The following PSD4 variants were observed in gnomAD, a reference collection of about 807,000 sequenced individuals.
PSD4 encodes the protein PH and SEC7 domain-containing protein 4.
In PSD4, 59 loss-of-function variants were observed where a neutral mutation model predicts 112.5. That is an observed-to-expected ratio of 0.52 (90% CI 0.43 to 0.65). The LOEUF (loss-of-function observed/expected upper bound fraction) is 0.65, where lower values mean the gene tolerates loss of function less well. PSD4 is among the 30% of genes least tolerant of loss of function. The pLI is 0.00. For synonymous variants in PSD4, 533 were observed against 540.0 expected (o/e 0.99, Z 0.18); for missense variants, 1,267 against 1,352.6 (o/e 0.94, Z 0.99).
At chr2:113,201,032 G>C in intron 16 of PSD4, 126 bp from the exon 17 acceptor site, 1 of 1,307,428 alleles carries the variant, frequency 7.6e-7, no homozygotes, top group South Asian at 1.4e-5. Context: ...GGTTGGTCCA[G>C]CCCTCTTTCT....
chr2:113,180,225 G>C (rs780773680), intron 1 of PSD4, among the ~76,000 whole-genome samples: 5 of 152,160 alleles, frequency 3.3e-5, no homozygotes, highest in Non-Finnish European at 7.3e-5. Flanking sequence ...TGGGCTGAAG[G>C]CCGCGCGAAT....
intron 1 of PSD4, among the ~76,000 whole-genome samples, chr2:113,181,172 G>A (rs1688125476): frequency 6.6e-6 from 1 of 151,022 alleles, no homozygotes. Context: ...AGGTTGCAGT[G>A]AGCCAAGACT....
At chr2:113,195,317 C>T (rs1472557862) in intron 10 of PSD4, among the ~76,000 whole-genome samples, 8 of 152,066 alleles carry the variant, frequency 5.3e-5, no homozygotes, top group African/African-American at 7.2e-5. Context: ...TGCACCACCA[C>T]GCCCAGATAA....
intron 1 of PSD4, among the ~76,000 whole-genome samples, chr2:113,179,424 TGGAAAG>T (rs1276895105): frequency 1.3e-5 from 2 of 152,270 alleles, no homozygotes; most frequent in East Asian, 3.9e-4. Context: ...AGACTGTTAA[TGGAAAG>T]GGATTCCAAT....
chr2:113,205,240 T>A lies in PSD4; in HGVS notation c.*3825T>A, dbSNP rs1414186523. 1 of 152,186 alleles carries A rather than the reference T, an allele frequency of 6.6e-6. No homozygotes were observed. The highest frequency in any genetic ancestry group is 1.5e-5 in the Non-Finnish European group (1 of 68,062). 9.4% of individuals were successfully genotyped at this position (152,186 alleles called of 1,614,324 possible). On this transcript the variant is annotated 3_prime_UTR_variant, in exon 17 of 17. Coordinates refer to ENST00000245796, the MANE Select transcript of PSD4 (RefSeq NM_012455.3). Reference sequence around the variant, plus strand: ...GCCTCGGCCTCCCAAAGCATTGGGATCACAGGCGTGAGCCAACGTGCCTGG... The same window carrying A: ...GCCTCGGCCTCCCAAAGCATTGGGAACACAGGCGTGAGCCAACGTGCCTGG...
Position 113,193,632 on chromosome 2 carries a change from CACGG to C in PSD4, c.2076_2079del (p.Asp693CysfsTer10). On this transcript the variant is annotated frameshift_variant, in exon 9 of 17. Transcript: ENST00000245796. LOFTEE classifies it high-confidence loss of function. ...TGACATGTGCAATCATGCTGCTTAA[CACGG>C]ACCTGCATGGACAGGTAAGACGGTG... The C allele has an allele frequency of 6.2e-7, 1 of 1,613,694 alleles. No individual in the cohort carries two copies. Among genetic ancestry groups the C allele is most frequent in the Non-Finnish European group, 8.5e-7 (1 of 1,179,584 alleles).
chr2:113,181,271 A>G (rs1210508364), intron 1 of PSD4, among the ~76,000 whole-genome samples: 1 of 151,100 alleles, frequency 6.6e-6, no homozygotes, highest in Non-Finnish European at 1.5e-5. Flanking sequence ...TGCTTACGAC[A>G]TGCCATAAGG....
At position 113,197,519 on chromosome 2, in the gene PSD4, G is replaced by A. The variant is rs377565570; in HGVS notation, c.2387-45G>A. 3 of 1,608,800 alleles carry A rather than the reference G, an allele frequency of 1.9e-6. No individual in the cohort carries two copies. In the African/African-American group the frequency reaches 4.0e-5, roughly 22 times the overall value. ...TGCGTGTGTCTGAGTGTGTCTGGATGCTGGTGCCCCCACCTACAACATTTG... is the reference window on the plus strand; with the variant it reads ...TGCGTGTGTCTGAGTGTGTCTGGATACTGGTGCCCCCACCTACAACATTTG... On this transcript the variant is annotated intron_variant, in intron 12 of 16. Coordinates refer to ENST00000245796, the MANE Select transcript of PSD4 (RefSeq NM_012455.3).
intron 5 of PSD4, among the ~76,000 whole-genome samples, chr2:113,190,707 G>A (rs545065825): frequency 2.0e-5 from 3 of 152,200 alleles, no homozygotes; most frequent in African/African-American, 4.8e-5. Context: ...CTCCCACCTC[G>A]GCCTCCCAAA....
Position 113,195,760 on chromosome 2 carries a change from G to C in PSD4, c.2215G>C (p.Glu739Gln), listed in dbSNP as rs143098414. Residue 739 changes from glutamate (E) to glutamine (Q), a missense_variant, in exon 11 of 17, where the codon GAG becomes CAG. Around this residue, in one of 2 missense-constraint regions of PSD4, gnomAD observed 544 missense variants for 648.6 expected, o/e 0.84. Transcript: ENST00000245796. ...CTGGTCTATCCGCAGCGAGAAGCTC[G>C]AGTGGGCCGTGTGAGTGAGACTCCC... ...LYWSIRSEKL[E>Q]WAVDEEDTAR... 50 of 1,614,040 alleles carry C rather than the reference G, an allele frequency of 3.1e-5. No individual in the cohort carries two copies. The African/African-American group carries it at 5.7e-4, about 19-fold the overall frequency.
chr2:113,187,637 C>A (rs1208541757), intron 5 of PSD4, among the ~76,000 whole-genome samples: 1 of 152,208 alleles, frequency 6.6e-6, no homozygotes, highest in Admixed American at 6.5e-5. Flanking sequence ...CCAATCTAAA[C>A]CTGACTCTTC....
chr2:113,198,268 T>C (rs1306375287), intron 14 of PSD4: 7 of 272,260 alleles, frequency 2.6e-5, no homozygotes, highest in Non-Finnish European at 4.8e-5. Flanking sequence ...TTGTCCTCTT[T>C]ATTTTTTATT....
rs1405245904 is a variant in PSD4 at position 113,193,362 on chromosome 2, C to T, written c.2024C>T (p.Pro675Leu). 5.6e-6 allele frequency: 9 copies of T among 1,606,350 alleles called. No individual in the cohort carries two copies. Among genetic ancestry groups the T allele is most frequent in the Non-Finnish European group, 7.6e-6 (9 of 1,177,764 alleles). The change falls in exon 8 of 17, where the codon CCC (proline) becomes CTC (leucine). Residue 675 changes from proline (P) to leucine (L), a missense_variant. Coordinates refer to ENST00000245796, the MANE Select transcript of PSD4 (RefSeq NM_012455.3). ...RFHHCNPGIF[P>L]SVDSVHTLTC... ...CACCATTGCAATCCGGGGATCTTCC[C>T]CTCAGTAGGTAGGGAGGGGCTGGCC...
intron 2 of PSD4, 121 bp from the exon 3 acceptor site, chr2:113,184,836 G>T: frequency 7.2e-7 from 1 of 1,394,878 alleles, no homozygotes; most frequent in Non-Finnish European, 9.8e-7. Context: ...CTGAGGCAGG[G>T]CCATCAGGGC....
rs144246302 is a variant in PSD4, at chr2:113,182,488, C to T, written c.32C>T (p.Pro11Leu). The change falls in exon 2 of 17, where the codon CCC (proline) becomes CTC (leucine). Residue 11 changes from proline to leucine, a missense_variant. Physicochemically the swap from Pro to Leu is moderately conservative, Grantham distance 98 (BLOSUM62 -3). This residue lies in a region of PSD4 where 723 missense variants were observed against 704.0 expected (regional missense o/e 1.03). Coordinates refer to ENST00000245796, the MANE Select transcript of PSD4 (RefSeq NM_012455.3). Reference protein sequence around the residue: MMGDYRLPDHPQPMEILNLYL... With the variant: MMGDYRLPDHLQPMEILNLYL... ...GGTGACTACAGACTCCCTGACCACCCCCAGCCCATGGAAATTCTCAACCTG... is the reference window on the plus strand; with the variant it reads ...GGTGACTACAGACTCCCTGACCACCTCCAGCCCATGGAAATTCTCAACCTG... 6.2e-7 allele frequency: 1 copy of T among 1,613,756 alleles called. No individual in the cohort carries two copies. The highest frequency in any genetic ancestry group is 8.5e-7 in the Non-Finnish European group (1 of 1,179,742).
Position 113,207,915 on chromosome 2 carries a change from T to C in PSD4, c.*6500T>C, listed in dbSNP as rs1688885702. ...ATGTCCTGGTTCTTTTTCTACTTTC[T>C]TGCATATTCTTTTTCAGGCAGGAGT... is the stretch of plus-strand genomic sequence containing the variant. On this transcript the variant is annotated 3_prime_UTR_variant, in exon 17 of 17. Transcript: ENST00000245796. 6.6e-6 allele frequency: 1 copy of C among 152,086 alleles called. No homozygotes were observed. The highest frequency in any genetic ancestry group is 1.5e-5 in the Non-Finnish European group (1 of 68,006). The allele number at this position is 152,086 out of a possible 1,614,324, so 9.4% of individuals were successfully genotyped here.
chr2:113,179,643 TTCCC>T (rs1688074238), intron 1 of PSD4, among the ~76,000 whole-genome samples: 1 of 152,200 alleles, frequency 6.6e-6, no homozygotes, highest in African/African-American at 2.4e-5. Context: ...AATGCCTAGC[TTCCC>T]GGGAATGCAG....
At chr2:113,184,310 TG>T (rs1688229976) in intron 2 of PSD4, among the ~76,000 whole-genome samples, 1 of 151,824 alleles carries the variant, frequency 6.6e-6, no homozygotes, top group South Asian at 2.1e-4. Flanking sequence ...CTCTCCACCA[TG>T]GGCCAGGGCC....
intron 1 of PSD4, among the ~76,000 whole-genome samples, chr2:113,179,224 T>C (rs969746404): frequency 1.3e-5 from 2 of 152,128 alleles, no homozygotes; most frequent in South Asian, 4.1e-4. Flanking sequence ...TAGAACCGTC[T>C]CAGGCCTCTT....
Sources: gnomAD v4.1 joint callset for allele counts (sites outside exome capture counted in the v4.1 genomes callset) on GRCh38, gnomAD v4.1.1 for gene constraint, gnomAD v4.1.1 regional missense constraint, MANE v1.5 for transcripts, NCBI Gene and HGNC (gene_info 2026-07-23, HGNC 2026-07-21) for gene names.